MYLK: variants seen among roughly 807,000 people sequenced by gnomAD.
The protein encoded by MYLK is myosin light chain kinase.
A neutral mutation model predicts 203.4 loss-of-function variants in MYLK; 106 were observed. The ratio of observed to expected loss-of-function variants is 0.52; its 90% confidence interval spans 0.45 to 0.61. The LOEUF is 0.61. Ranked by LOEUF, MYLK falls within the 20% of genes least tolerant of loss-of-function variation. The probability of loss-of-function intolerance (pLI) is 0.00; values close to 1 mark genes in which losing one functional copy is unlikely to be tolerated. For missense variants in MYLK, 2,072 were observed against 2,442.3 expected, an observed-to-expected ratio of 0.85 and a Z score of 3.20; for synonymous variants, 867 against 959.5, an observed-to-expected ratio of 0.90 and a Z score of 1.78.
chr3:123,708,681 G>A lies in MYLK; in HGVS notation c.2140+17C>T. Reference sequence around the variant, plus strand: ...GCAGCATCTCCTTCCCACTCGCTCTGAGTGGGTCAGCCTCACCTTGTACCG... The same window carrying A: ...GCAGCATCTCCTTCCCACTCGCTCTAAGTGGGTCAGCCTCACCTTGTACCG... On this transcript the variant is annotated intron_variant, in intron 15 of 33. Transcript: ENST00000360304. The A allele has an allele frequency of 6.2e-7, 1 of 1,613,866 alleles. No homozygotes were observed. The highest frequency in any genetic ancestry group is 8.5e-7 in the Non-Finnish European group (1 of 1,180,002).
Position 123,802,793 on chromosome 3 carries a change from A to G in MYLK, c.-3-8949T>C, listed in dbSNP as rs115782309. On this transcript the variant is annotated intron_variant, in intron 3 of 33. Coordinates refer to ENST00000360304, the MANE Select transcript of MYLK (RefSeq NM_053025.4). ...TGCAAAAGTAATTAAAGCCAGAACC[A>G]GAGCCCTGCTTATAACTAAATTAGC... is the stretch of plus-strand genomic sequence containing the variant. Among the ~76,000 whole-genome samples the G allele has an allele frequency of 3.3e-3, 508 of 152,336 alleles. 2 individuals are homozygous for G. Among genetic ancestry groups the G allele is most frequent in the African/African-American group, 0.011 (463 of 41,576 alleles).
At chr3:123,740,424 T>C (rs766001572) in intron 5 of MYLK, among the ~76,000 whole-genome samples, 1 of 152,190 alleles carries the variant, frequency 6.6e-6, no homozygotes, top group Non-Finnish European at 1.5e-5. Flanking sequence ...GAACATTTTC[T>C]CAGTTAAAGG....
intron 19 of MYLK, among the ~76,000 whole-genome samples, chr3:123,687,723 G>A (rs2060512314): frequency 6.6e-6 from 1 of 150,582 alleles, no homozygotes; most frequent in South Asian, 2.1e-4. Flanking sequence ...ACAGGCTGGA[G>A]TACCGTGGTA....
At chr3:123,738,661 T>C (rs758070544) in intron 7 of MYLK, among the ~76,000 whole-genome samples, 40 of 152,202 alleles carry the variant, frequency 2.6e-4, no homozygotes, top group Non-Finnish European at 4.4e-4. Context: ...TGTGATCTGA[T>C]GGTTTTATAA....
intron 4 of MYLK, among the ~76,000 whole-genome samples, chr3:123,753,608 T>A (rs1286437965): frequency 6.6e-6 from 1 of 151,912 alleles, no homozygotes; most frequent in African/African-American, 2.4e-5. Flanking sequence ...AATGCAGAGA[T>A]AAATTCAAAG....
At position 123,647,418 on chromosome 3, in the gene MYLK, A is replaced by G; in HGVS notation, c.4425T>C (p.Phe1475=). 6.2e-7 allele frequency: 1 copy of G among 1,614,240 alleles called. No homozygotes were observed. The highest frequency in any genetic ancestry group is 8.5e-7 in the Non-Finnish European group (1 of 1,180,038). ...DIEERLGSGK[F]GQVFRLVEKK... The stretch of plus-strand genomic sequence containing the variant: ...TTTCTACAAGTCGAAAGACCTGTCC[A>G]AATTTCCCACTGCAAATGAAAGGGG... The change falls in exon 27 of 34, where the codon TTT becomes TTC. Residue 1475 remains phenylalanine, a synonymous_variant. Transcript: ENST00000360304.
chr3:123,831,442 T>C, intron 3 of MYLK, 106 bp downstream of exon 3: 1 of 1,289,200 alleles, frequency 7.8e-7, no homozygotes, highest in Non-Finnish European at 1.0e-6. Context: ...GGGGCAGCAG[T>C]CTCTTCTGGG....
chr3:123,707,826 T>C lies in MYLK; in HGVS notation c.2318A>G (p.Asn773Ser), dbSNP rs1330579297. 3 of 1,614,204 alleles carry C rather than the reference T, an allele frequency of 1.9e-6. No individual in the cohort carries two copies. Among genetic ancestry groups the C allele is most frequent in the Non-Finnish European group, 1.7e-6 (2 of 1,180,038 alleles). The change falls in exon 16 of 34, where the codon AAT becomes AGT. Residue 773 changes from asparagine to serine, a missense_variant. Asn to Ser is a conservative substitution (Grantham distance 46). Transcript: ENST00000360304. The part of the protein sequence containing the change: ...KDTGHFEVLQ[N>S]EDVFTLVLKK... ...TAGAACCAGGGTGAACACGTCCTCA[T>C]TCTGAAGCACCTCGAAGTGGCCAGT...
intron 2 of MYLK, among the ~76,000 whole-genome samples, chr3:123,864,821 G>A (rs972506842): frequency 6.6e-6 from 1 of 152,138 alleles, no homozygotes; most frequent in African/African-American, 2.4e-5. Context: ...CAGGAGGATC[G>A]TTTGAGCCCA....
At position 123,669,989 on chromosome 3, in the gene MYLK, C is replaced by T. The variant is rs547579296; in HGVS notation, c.3653-2802G>A. ...GGTAGAGGCTGCAATGAGCTGAGATCGTGCCACCGCACTCCAGCCTGGGTG... is the reference window on the plus strand; with the variant it reads ...GGTAGAGGCTGCAATGAGCTGAGATTGTGCCACCGCACTCCAGCCTGGGTG... On this transcript the variant is annotated intron_variant, in intron 20 of 33. Transcript: ENST00000360304. 9.0e-4 allele frequency among the ~76,000 whole-genome samples: 125 copies of T among 138,988 alleles called. 1 individual carries two copies. The highest frequency in any genetic ancestry group is 1.6e-3 in the Non-Finnish European group (106 of 66,740). 91.2% of individuals were successfully genotyped at this position (138,988 alleles called of 152,430 possible).
intron 31 of MYLK, chr3:123,624,701 G>A (rs2058050906): frequency 6.6e-6 from 1 of 152,220 alleles, no homozygotes; most frequent in African/African-American, 2.4e-5. Context: ...AGATCCTAGT[G>A]GCACCAAAAG....
chr3:123,748,576 A>T (rs2063092519), intron 5 of MYLK, among the ~76,000 whole-genome samples: 1 of 152,212 alleles, frequency 6.6e-6, no homozygotes, highest in African/African-American at 2.4e-5. Context: ...TGTAAAATAC[A>T]TCCCAGATGT....
chr3:123,707,178 G>C (rs1037757442), intron 16 of MYLK, among the ~76,000 whole-genome samples: 2 of 152,206 alleles, frequency 1.3e-5, no homozygotes, highest in Non-Finnish European at 2.9e-5. Flanking sequence ...AACAGCCAGT[G>C]AGGAGCCGAG....
chr3:123,764,516 A>G (rs543439564), intron 4 of MYLK, among the ~76,000 whole-genome samples: 2 of 152,310 alleles, frequency 1.3e-5, no homozygotes, highest in Admixed American at 6.5e-5. Context: ...CATTTAGTAC[A>G]CTGAGTGAGG....
chr3:123,625,271 T>C (rs1308567323), intron 31 of MYLK: 1 of 152,232 alleles, frequency 6.6e-6, no homozygotes, highest in Non-Finnish European at 1.5e-5. Context: ...TATGGAGAAC[T>C]ATCCGGATAG....
intron 2 of MYLK, among the ~76,000 whole-genome samples, chr3:123,833,265 G>A (rs2066391147): frequency 6.6e-6 from 1 of 152,170 alleles, no homozygotes; most frequent in Admixed American, 6.5e-5. Flanking sequence ...TGTCTCATAA[G>A]CTAATCCAGG....
At chr3:123,747,109 T>A (rs1008724328) in intron 5 of MYLK, among the ~76,000 whole-genome samples, 4 of 152,230 alleles carry the variant, frequency 2.6e-5, no homozygotes, top group Non-Finnish European at 5.9e-5. Flanking sequence ...CTAAGAGATC[T>A]GCCCCTGAAA....
Position 123,707,940 on chromosome 3 carries a change from C to T in MYLK, c.2204G>A (p.Gly735Asp). The T allele has an allele frequency of 6.2e-7, 1 of 1,614,116 alleles. No individual in the cohort carries two copies. Among genetic ancestry groups the T allele is most frequent in the Non-Finnish European group, 8.5e-7 (1 of 1,180,024 alleles). Reference protein sequence around the residue: ...SKPRSVTASLGQSVLISCAIA... With the variant: ...SKPRSVTASLDQSVLISCAIA... The stretch of plus-strand genomic sequence containing the variant: ...GGCGCAGGAGATGAGGACACTCTGG[C>T]CCAGGGAGGCTGTCACTGAGCGAGG... Residue 735 changes from glycine to aspartate, a missense_variant, in exon 16 of 34, where the codon GGC (glycine) becomes GAC (aspartate). This residue lies in a region of MYLK where 865 missense variants were observed against 1,016.0 expected (regional missense o/e 0.85). Coordinates refer to ENST00000360304, the MANE Select transcript of MYLK (RefSeq NM_053025.4).
intron 19 of MYLK, among the ~76,000 whole-genome samples, chr3:123,685,375 T>C (rs1403622364): frequency 6.6e-6 from 1 of 152,136 alleles, no homozygotes; most frequent in African/African-American, 2.4e-5. Context: ...GTTGGATCAC[T>C]TGGACCCAGA....
Sources: gnomAD v4.1 joint callset for allele counts (sites outside exome capture counted in the v4.1 genomes callset) on GRCh38, gnomAD v4.1.1 for gene constraint, gnomAD v4.1.1 regional missense constraint, MANE v1.5 for transcripts, NCBI Gene and HGNC (gene_info 2026-07-23, HGNC 2026-07-21) for gene names.